The following MAST2 variants were observed in gnomAD, a reference collection of about 807,000 sequenced individuals.
MAST2 encodes the protein microtubule associated serine/threonine kinase 2.
A neutral mutation model predicts 147.4 loss-of-function variants in MAST2; 70 were observed. The ratio of observed to expected loss-of-function variants is 0.47; its 90% CI spans 0.39 to 0.58. The LOEUF (loss-of-function observed/expected upper bound fraction) is 0.58, where lower values mean the gene tolerates loss of function less well. Ranked by LOEUF, MAST2 falls within the 20% of genes least tolerant of loss-of-function variation. The probability of loss-of-function intolerance (pLI) is 0.00; values close to 1 mark genes in which losing one functional copy is unlikely to be tolerated. For synonymous variants in MAST2, 869 were observed against 896.8 expected (o/e 0.97, Z 0.55); for missense variants, 2,080 against 2,302.3 (o/e 0.90, Z 1.98).
chr1:46,015,127 C>T (rs1645880666), intron 10 of MAST2, among the ~76,000 whole-genome samples: 1 of 151,068 alleles, frequency 6.6e-6, no homozygotes, highest in Non-Finnish European at 1.5e-5. Flanking sequence ...TTGAAACCAA[C>T]GAGAACAAAG....
At chr1:45,822,861 G>A (rs1557804777) in intron 1 of MAST2, among the ~76,000 whole-genome samples, 1 of 152,152 alleles carries the variant, frequency 6.6e-6, no homozygotes, top group Non-Finnish European at 1.5e-5. Context: ...ATGCCAAATA[G>A]TGCAAATACA....
chr1:45,878,646 A>G (rs1646708317), intron 3 of MAST2, among the ~76,000 whole-genome samples: 1 of 152,174 alleles, frequency 6.6e-6, no homozygotes, highest in South Asian at 2.1e-4. Flanking sequence ...TAATAATTTT[A>G]CCAAAGTATA....
chr1:45,889,994 C>T (rs149692152), intron 4 of MAST2, among the ~76,000 whole-genome samples: 7 of 152,236 alleles, frequency 4.6e-5, no homozygotes, highest in East Asian at 3.9e-4. Context: ...CCGCCTGCCT[C>T]GGCCTCCCAA....
At chr1:46,022,999 C>T in intron 13 of MAST2, 28 bp downstream of exon 13, 1 of 1,595,714 alleles carries the variant, frequency 6.3e-7, no homozygotes. Context: ...CTACCCCATT[C>T]CTGGAGCCTG....
At position 46,023,312 on chromosome 1, in the gene MAST2, C is replaced by A. The variant is rs1052492803; in HGVS notation, c.1565C>A (p.Ala522Asp). 34 of 1,613,912 alleles carry A rather than the reference C, an allele frequency of 2.1e-5. 1 individual carries two copies. Among genetic ancestry groups the A allele is most frequent in the Non-Finnish European group, 2.5e-6 (3 of 1,179,974 alleles). The change falls in exon 14 of 29, where the codon GCC (alanine) becomes GAC (aspartate). Residue 522 changes from alanine to aspartate, a missense_variant. Ala to Asp is a moderately radical substitution (Grantham distance 126). Around this residue, in one of 4 missense-constraint regions of MAST2, gnomAD observed 569 missense variants for 642.5 expected, o/e 0.89. Coordinates refer to ENST00000361297, the MANE Select transcript of MAST2 (RefSeq NM_015112.3). This position sits in a 1 kb window ranked among gnomAD's most constrained non-coding sequence, Gnocchi z 4.9. ...ACCATTAAGCTCATCAGCAATGGCG[C>A]CTATGGGTAAAGGCAGGGGTCAGGG... Reference protein sequence around the residue: ...FETIKLISNGAYGAVFLVRHK... With the variant: ...FETIKLISNGDYGAVFLVRHK...
At chr1:45,832,809 A>G (rs547710334) in intron 3 of MAST2, among the ~76,000 whole-genome samples, 2 of 152,294 alleles carry the variant, frequency 1.3e-5, no homozygotes, top group South Asian at 4.1e-4. Context: ...CACATATGAT[A>G]TAATTCACCC....
intron 3 of MAST2, among the ~76,000 whole-genome samples, chr1:45,861,805 A>G (rs953485646): frequency 6.6e-6 from 1 of 151,966 alleles, no homozygotes; most frequent in African/African-American, 2.4e-5. Context: ...TTATTTCCTC[A>G]TCTCCTACCC....
rs1379202192 is a variant in MAST2 at position 45,996,368 on chromosome 1, T to A, written c.593-1356T>A. Among the ~76,000 whole-genome samples, 5 of 152,120 alleles carry A rather than the reference T, an allele frequency of 3.3e-5. No homozygotes were observed. In the East Asian group the frequency reaches 9.6e-4, roughly 29 times the overall value. On this transcript the variant is annotated intron_variant, in intron 5 of 28. Transcript: ENST00000361297. Reference sequence around the variant, plus strand: ...TGACACTATCAAAAAAGAACAGAATTTTTTTTAAAAAAATAAGCTTTGATA... The same window carrying A: ...TGACACTATCAAAAAAGAACAGAATATTTTTTAAAAAAATAAGCTTTGATA...
At chr1:45,984,013 T>G (rs72692641) in intron 5 of MAST2, among the ~76,000 whole-genome samples, 1 of 152,220 alleles carries the variant, frequency 6.6e-6, no homozygotes, top group African/African-American at 2.4e-5. Context: ...AAAAATGTTA[T>G]GCCTCCTCCA....
At chr1:45,921,642 G>A (rs566963661) in intron 4 of MAST2, among the ~76,000 whole-genome samples, 2 of 152,310 alleles carry the variant, frequency 1.3e-5, no homozygotes, top group South Asian at 2.1e-4. Flanking sequence ...CGCCACGCAA[G>A]CAACTTCCAC....
chr1:46,029,236 A>G, intron 18 of MAST2: 1 of 549,372 alleles, frequency 1.8e-6, no homozygotes, highest in Non-Finnish European at 3.2e-6. Flanking sequence ...TGTTTTGTGG[A>G]GTATAAAAGC....
chr1:45,885,127 T>G (rs1007889990), intron 4 of MAST2, among the ~76,000 whole-genome samples: 1 of 152,230 alleles, frequency 6.6e-6, no homozygotes, highest in African/African-American at 2.4e-5. Flanking sequence ...CTCCACTGTT[T>G]CTCGTCCTCA....
At chr1:45,841,151 C>T (rs1436643404) in intron 3 of MAST2, among the ~76,000 whole-genome samples, 1 of 151,824 alleles carries the variant, frequency 6.6e-6, no homozygotes, top group Non-Finnish European at 1.5e-5. Context: ...GTGGGGGCTC[C>T]CTGTGCTGCC....
chr1:45,933,612 G>A lies in MAST2; in HGVS notation c.501-25774G>A, dbSNP rs935735521. Among the ~76,000 whole-genome samples, 20 of 151,918 alleles carry A rather than the reference G, an allele frequency of 1.3e-4. No individual in the cohort carries two copies. The East Asian group carries it at 3.1e-3, about 24-fold the overall frequency. On this transcript the variant is annotated intron_variant, in intron 4 of 28. Transcript: ENST00000361297. The stretch of plus-strand genomic sequence containing the variant: ...AAAAAAAAAAAAAAAAAATTAGCTG[G>A]GCATGGTGGTGGGCACCTGTAATCC...
At chr1:45,885,977 G>A (rs1023977396) in intron 4 of MAST2, among the ~76,000 whole-genome samples, 1 of 152,042 alleles carries the variant, frequency 6.6e-6, no homozygotes, top group East Asian at 1.9e-4. Context: ...AAATTGAATT[G>A]TCTAGGCTGG....
chr1:45,860,544 A>G (rs1312738927), intron 3 of MAST2, among the ~76,000 whole-genome samples: 2 of 151,520 alleles, frequency 1.3e-5, no homozygotes, highest in African/African-American at 4.9e-5. Context: ...ACATCTTACT[A>G]CTCTTGGCCG....
At chr1:45,895,762 G>A (rs773251604) in intron 4 of MAST2, among the ~76,000 whole-genome samples, 1 of 152,060 alleles carries the variant, frequency 6.6e-6, no homozygotes, top group Non-Finnish European at 1.5e-5. Context: ...AGAGAAACAG[G>A]CAAATATTAC....
chr1:45,888,084 C>T (rs181078727), intron 4 of MAST2, among the ~76,000 whole-genome samples: 27 of 152,300 alleles, frequency 1.8e-4, no homozygotes, highest in South Asian at 1.0e-3. Flanking sequence ...GAATAGTTGT[C>T]ATGCTCATTA....
chr1:45,861,024 C>A (rs962268269), intron 3 of MAST2, among the ~76,000 whole-genome samples: 3 of 152,168 alleles, frequency 2.0e-5, no homozygotes, highest in Non-Finnish European at 2.9e-5. Context: ...CTCTAGGTAA[C>A]CTCCTCACTA....
Sources: allele counts gnomAD v4.1 joint callset (sites outside exome capture counted in the v4.1 genomes callset), GRCh38; gene constraint gnomAD v4.1.1; regional missense constraint gnomAD v4.1.1; non-coding constraint Gnocchi (gnomAD v3.1); transcripts MANE v1.5; gene names NCBI Gene and HGNC (gene_info 2026-07-23, HGNC 2026-07-21).